Variants in CSRNP3 observed in about 807,000 individuals in gnomAD.
The protein encoded by CSRNP3 is cysteine and serine rich nuclear protein 3, also known as cysteine/serine-rich nuclear protein 3.
Under a neutral mutation model 48.0 loss-of-function variants are expected in CSRNP3, and 12 were observed. The ratio of observed to expected loss-of-function variants is 0.25; its 90% CI spans 0.16 to 0.41. The LOEUF is 0.41. CSRNP3 is among the 10% of genes least tolerant of loss of function. The probability of loss-of-function intolerance (pLI) is 1.00; values close to 1 mark genes in which losing one functional copy is unlikely to be tolerated. For missense variants in CSRNP3, 580 were observed against 724.4 expected (o/e 0.80, Z 2.29); for synonymous variants, 263 against 269.7 (o/e 0.98, Z 0.24).
intron 4 of CSRNP3, among the ~76,000 whole-genome samples, chr2:165,609,465 G>GAAAAAAAAAAAAA (rs34249194): frequency 2.0e-5 from 2 of 97,572 alleles, no homozygotes; most frequent in South Asian, 4.1e-4. Flanking sequence ...TCTAAAAAAA[G>GAAAAAAAAAAAAA]AAAAAAAAAA....
At position 165,679,943 on chromosome 2, in the gene CSRNP3, G is replaced by A. The variant is rs1379741597; in HGVS notation, c.*190G>A. ...CATTGCACAAATACAGTCTCTGTAG[G>A]GATTTTAAAAGATTTCAGACTGTTT... is the stretch of plus-strand genomic sequence containing the variant. On this transcript the variant is annotated 3_prime_UTR_variant, in exon 7 of 7. Coordinates refer to ENST00000651982, the MANE Select transcript of CSRNP3 (RefSeq NM_001172173.2). 1.1e-5 allele frequency: 8 copies of A among 744,464 alleles called. No homozygotes were observed. The highest frequency in any genetic ancestry group is 6.8e-5 in the South Asian group (3 of 44,066). 46.1% of individuals were successfully genotyped at this position (744,464 alleles called of 1,614,324 possible).
intron 3 of CSRNP3, among the ~76,000 whole-genome samples, chr2:165,551,193 A>G (rs1285312780): frequency 6.6e-6 from 1 of 152,092 alleles, no homozygotes; most frequent in Non-Finnish European, 1.5e-5. Context: ...TAATACCCCC[A>G]GTCATTTCAT....
At chr2:165,504,879 G>A (rs919059169) in intron 2 of CSRNP3, among the ~76,000 whole-genome samples, 3 of 152,210 alleles carry the variant, frequency 2.0e-5, no homozygotes, top group South Asian at 2.1e-4. Context: ...CACTGAAGAC[G>A]TATTGCTGCA....
chr2:165,557,602 A>C (rs1685176195), intron 3 of CSRNP3, among the ~76,000 whole-genome samples: 1 of 152,114 alleles, frequency 6.6e-6, no homozygotes, highest in Non-Finnish European at 1.5e-5. Flanking sequence ...AAGAGGAGGG[A>C]GCTCCCCCCA....
chr2:165,666,425 A>G, intron 5 of CSRNP3, among the ~76,000 whole-genome samples: 1 of 65,212 alleles, frequency 1.5e-5, no homozygotes, highest in Non-Finnish European at 4.1e-5. Flanking sequence ...AGAGAGGAAG[A>G]AAGAAAGACA....
At chr2:165,630,324 C>A in intron 4 of CSRNP3, among the ~76,000 whole-genome samples, 1 of 152,142 alleles carries the variant, frequency 6.6e-6, no homozygotes, top group East Asian at 1.9e-4. Context: ...TTCTTGTATA[C>A]CTAAGACTGA....
intron 4 of CSRNP3, among the ~76,000 whole-genome samples, chr2:165,633,351 A>G (rs1226817042): frequency 6.6e-6 from 1 of 152,198 alleles, no homozygotes; most frequent in African/African-American, 2.4e-5. Flanking sequence ...AAAGAAAGTA[A>G]TGGCCTATTG....
At chr2:165,492,724 T>TAAAAAA (rs11304265) in intron 1 of CSRNP3, among the ~76,000 whole-genome samples, 2 of 110,154 alleles carry the variant, frequency 1.8e-5, no homozygotes, top group Non-Finnish European at 1.8e-5. Context: ...ACTATTAGAG[T>TAAAAAA]AAAAAAAAAA....
chr2:165,524,745 C>T (rs576925276), intron 3 of CSRNP3, among the ~76,000 whole-genome samples: 1 of 152,314 alleles, frequency 6.6e-6, no homozygotes, highest in Admixed American at 6.5e-5. Flanking sequence ...GAGATTCATT[C>T]ATGCTCTTGC....
At chr2:165,492,935 A>G (rs1170426784) in intron 1 of CSRNP3, among the ~76,000 whole-genome samples, 1 of 81,674 alleles carries the variant, frequency 1.2e-5, no homozygotes, top group Non-Finnish European at 2.5e-5. Context: ...CAAATTCCCT[A>G]AAAAAAAAAA....
intron 3 of CSRNP3, among the ~76,000 whole-genome samples, chr2:165,534,072 T>C (rs1261237703): frequency 6.6e-6 from 1 of 152,190 alleles, no homozygotes; most frequent in African/African-American, 2.4e-5. Flanking sequence ...AAATAAGATG[T>C]ATCCAGTGAA....
intron 3 of CSRNP3, among the ~76,000 whole-genome samples, chr2:165,532,488 G>A (rs1318390227): frequency 6.6e-6 from 1 of 152,038 alleles, no homozygotes; most frequent in Non-Finnish European, 1.5e-5. Flanking sequence ...ATGCAGAAAA[G>A]GCCTTTGACA....
rs1443159218 is a variant in CSRNP3, at chr2:165,666,627, GAAGT to G, written c.408+8611_408+8614del. Among the ~76,000 whole-genome samples, 26 of 88,410 alleles carry G rather than the reference GAAGT, an allele frequency of 2.9e-4. 4 individuals carry two copies. The highest frequency in any genetic ancestry group is 8.6e-4 in the African/African-American group (21 of 24,494). 58.0% of individuals were successfully genotyped at this position (88,410 alleles called of 152,430 possible). A position where few individuals can be genotyped will look rare whatever the true frequency, so the allele number is the denominator to read the frequency against. The stretch of plus-strand genomic sequence containing the variant: ...GAGATGAAGAAAGAGAGAAAGGAAG[GAAGT>G]AAGGGAGGAAAGACAGAGAGGAAGA... On this transcript the variant is annotated intron_variant, in intron 5 of 6. Coordinates refer to ENST00000651982, the MANE Select transcript of CSRNP3 (RefSeq NM_001172173.2).
intron 4 of CSRNP3, among the ~76,000 whole-genome samples, chr2:165,622,456 G>C (rs989905552): frequency 6.6e-6 from 1 of 152,100 alleles, no homozygotes; most frequent in African/African-American, 2.4e-5. Context: ...TATAGTTTAT[G>C]TTTAAGCATA....
At chr2:165,599,275 G>GAA (rs1394468195) in intron 4 of CSRNP3, among the ~76,000 whole-genome samples, 2 of 45,256 alleles carry the variant, frequency 4.4e-5, no homozygotes, top group African/African-American at 1.4e-4. Flanking sequence ...AAGAAAGAAA[G>GAA]AGAGAGAGAG....
rs1020390111 is a variant in CSRNP3 at position 165,687,666 on chromosome 2, GTTAT to G, written c.*7917_*7920del. The G allele has an allele frequency of 6.6e-6, 1 of 151,992 alleles. No homozygotes were observed. The highest frequency in any genetic ancestry group is 2.4e-5 in the African/African-American group (1 of 41,376). 9.4% of individuals were successfully genotyped at this position (151,992 alleles called of 1,614,324 possible). On this transcript the variant is annotated 3_prime_UTR_variant, in exon 7 of 7. Transcript: ENST00000651982. ...ATTTGATCCCAGCCTTTGTCCTTGT[GTTAT>G]TTAAACAATGGCTTCCTGCTTTCTC...
At chr2:165,574,041 A>G (rs1685410205) in intron 3 of CSRNP3, 1 of 295,448 alleles carries the variant, frequency 3.4e-6, no homozygotes, top group Non-Finnish European at 6.3e-6. Context: ...TCGTTTATCC[A>G]TTAATAGACA....
intron 4 of CSRNP3, among the ~76,000 whole-genome samples, chr2:165,653,077 G>A (rs376994951): frequency 6.6e-6 from 1 of 152,282 alleles, no homozygotes. Flanking sequence ...GGCTCAAAGG[G>A]CAGAGACTCT....
intron 2 of CSRNP3, among the ~76,000 whole-genome samples, chr2:165,510,180 G>T (rs918810884): frequency 6.6e-6 from 1 of 151,838 alleles, no homozygotes; most frequent in African/African-American, 2.4e-5. Context: ...ATTTTTTCAC[G>T]CTCTGTTTTT....
Sources: allele counts gnomAD v4.1 joint callset (sites outside exome capture counted in the v4.1 genomes callset), GRCh38; gene constraint gnomAD v4.1.1; transcripts MANE v1.5; gene names NCBI Gene and HGNC (gene_info 2026-07-23, HGNC 2026-07-21).